SQOR: variants seen among roughly 807,000 people sequenced by gnomAD.
The protein encoded by SQOR is sulfide:quinone oxidoreductase, mitochondrial.
A neutral mutation model predicts 48.6 loss-of-function variants in SQOR; 39 were observed. That is an observed-to-expected ratio of 0.80 (90% CI 0.62 to 1.05). The LOEUF is 1.05. Ranked by LOEUF, SQOR falls within the 50% of genes least tolerant of loss-of-function variation. The pLI is 0.00. For synonymous variants in SQOR, 220 were observed against 206.2 expected, an observed-to-expected ratio of 1.07 and a Z score of -0.57; for missense variants, 561 against 559.9, an observed-to-expected ratio of 1.00 and a Z score of -0.02.
chr15:45,666,873 TCC>T (rs1566920015), intron 3 of SQOR, among the ~76,000 whole-genome samples: 5 of 44,940 alleles, frequency 1.1e-4, no homozygotes, highest in South Asian at 1.7e-3. Context: ...TCCCCTCCCC[TCC>T]CCTCCTTTCT....
intron 1 of SQOR, among the ~76,000 whole-genome samples, chr15:45,645,558 C>T (rs903190897): frequency 6.6e-6 from 1 of 152,170 alleles, no homozygotes; most frequent in African/African-American, 2.4e-5. Flanking sequence ...GCGAACACTC[C>T]CGTGAATGAG....
chr15:45,669,793 T>G, intron 3 of SQOR, 135 bp from the exon 4 acceptor site: 1 of 730,624 alleles, frequency 1.4e-6, no homozygotes, highest in Non-Finnish European at 2.4e-6. Context: ...GCTTCGATTT[T>G]CTCATCTGTT....
intron 7 of SQOR, among the ~76,000 whole-genome samples, chr15:45,683,066 T>G (rs1890153122): frequency 6.7e-6 from 1 of 149,958 alleles, no homozygotes; most frequent in South Asian, 2.1e-4. Flanking sequence ...CAGAAGCAAG[T>G]TGTCAATGAA....
intron 6 of SQOR, among the ~76,000 whole-genome samples, chr15:45,679,931 G>A (rs1890098376): frequency 6.6e-6 from 1 of 152,118 alleles, no homozygotes; most frequent in African/African-American, 2.4e-5. Flanking sequence ...CCCCAATGCT[G>A]CTAATAAACA....
At chr15:45,666,081 C>T (rs1475185937) in intron 3 of SQOR, among the ~76,000 whole-genome samples, 1 of 152,192 alleles carries the variant, frequency 6.6e-6, no homozygotes, top group Non-Finnish European at 1.5e-5. Context: ...TCTCCTTGTT[C>T]CTGCTCCTGC....
chr15:45,654,841 T>C (rs1178587131), intron 1 of SQOR, among the ~76,000 whole-genome samples: 2 of 152,138 alleles, frequency 1.3e-5, no homozygotes, highest in African/African-American at 4.8e-5. Context: ...CTGATTTACA[T>C]AGGGCTCACA....
intron 1 of SQOR, among the ~76,000 whole-genome samples, chr15:45,645,413 G>T (rs1895186703): frequency 6.6e-6 from 1 of 152,186 alleles, no homozygotes; most frequent in Admixed American, 6.5e-5. Flanking sequence ...TGGTCAAACG[G>T]TATTCTGGGT....
intron 1 of SQOR, among the ~76,000 whole-genome samples, chr15:45,657,429 T>C (rs1398253579): frequency 2.6e-5 from 4 of 152,160 alleles, no homozygotes; most frequent in Non-Finnish European, 5.9e-5. Flanking sequence ...GAAATGGAAA[T>C]GCAGGGTCAA....
chr15:45,683,611 G>A (rs907879998), intron 7 of SQOR, among the ~76,000 whole-genome samples: 2 of 152,132 alleles, frequency 1.3e-5, no homozygotes, highest in Non-Finnish European at 2.9e-5. Flanking sequence ...GGAACAGATT[G>A]TGTTACTTTT....
intron 7 of SQOR, among the ~76,000 whole-genome samples, chr15:45,686,327 T>C (rs1213826128): frequency 6.6e-6 from 1 of 152,116 alleles, no homozygotes; most frequent in African/African-American, 2.4e-5. Flanking sequence ...AATTTTCCTA[T>C]TTTTAGTAGA....
rs1404866857 is a variant in SQOR, at chr15:45,676,222, A to G, written c.776A>G (p.Tyr259Cys). ...CAGGAGCGGAACCTCACTGTTAACTACAAGAAAAACCTCATTGAAGTCCGA... is the reference window on the plus strand; with the variant it reads ...CAGGAGCGGAACCTCACTGTTAACTGCAAGAAAAACCTCATTGAAGTCCGA... ...IIQERNLTVN[Y>C]KKNLIEVRAD... Residue 259 changes from tyrosine to cysteine, a missense_variant, in exon 6 of 10, where the codon TAC becomes TGC. By Grantham distance (194) the Tyr-to-Cys change is radical (BLOSUM62 -2). Coordinates refer to ENST00000260324, the MANE Select transcript of SQOR (RefSeq NM_021199.4). 3 of 1,614,028 alleles carry G rather than the reference A, an allele frequency of 1.9e-6. No homozygotes were observed. Among genetic ancestry groups the G allele is most frequent in the Non-Finnish European group, 1.7e-6 (2 of 1,180,030 alleles).
chr15:45,688,396 A>T lies in SQOR; in HGVS notation c.1108A>T (p.Thr370Ser). 1 of 1,603,946 alleles carries T rather than the reference A, an allele frequency of 6.2e-7. No homozygotes were observed. The highest frequency in any genetic ancestry group is 1.7e-5 in the Admixed American group (1 of 58,604). ...ISVIMKNQTP[T>S]KKYDGYTSCP... is the part of the protein sequence containing the mutation. Reference sequence around the variant, plus strand: ...TGTAATTATGAAGAATCAAACACCAACAAAGAAGGTTTGTATGCCTTGTAA... The same window carrying T: ...TGTAATTATGAAGAATCAAACACCATCAAAGAAGGTTTGTATGCCTTGTAA... The change falls in exon 8 of 10, where the codon ACA (threonine) becomes TCA (serine). Residue 370 changes from threonine to serine, a missense_variant. Thr to Ser is a moderately conservative substitution (Grantham distance 58, BLOSUM62 1). Coordinates refer to ENST00000260324, the MANE Select transcript of SQOR (RefSeq NM_021199.4).
At chr15:45,676,389 C>T in intron 6 of SQOR, 79 bp downstream of exon 6, 1 of 1,340,630 alleles carries the variant, frequency 7.5e-7, no homozygotes, top group Non-Finnish European at 1.1e-6. Flanking sequence ...CTCACACCAC[C>T]CTATCTGCCA....
At chr15:45,658,255 G>C (rs772372720) in intron 1 of SQOR, among the ~76,000 whole-genome samples, 9 of 152,150 alleles carry the variant, frequency 5.9e-5, no homozygotes, top group Non-Finnish European at 1.3e-4. Flanking sequence ...GAAATTGCTA[G>C]AGGTGTGGAG....
chr15:45,635,180 A>G (rs904417264), intron 1 of SQOR, 72 bp downstream of exon 1: 11 of 152,186 alleles, frequency 7.2e-5, no homozygotes, highest in Non-Finnish European at 1.3e-4. Context: ...AGCGACCACC[A>G]CTGAGGCTGT....
chr15:45,641,878 C>T (rs79545366), intron 1 of SQOR, among the ~76,000 whole-genome samples: 2 of 152,106 alleles, frequency 1.3e-5, no homozygotes, highest in African/African-American at 4.8e-5. Context: ...CTTCTTTATC[C>T]CCTATAGCTG....
At chr15:45,643,887 G>A (rs909962676) in intron 1 of SQOR, among the ~76,000 whole-genome samples, 8 of 152,130 alleles carry the variant, frequency 5.3e-5, no homozygotes, top group African/African-American at 1.7e-4. Flanking sequence ...CAATAGAATG[G>A]AGGATAGTAT....
At chr15:45,676,066 T>G in intron 5 of SQOR, 35 bp from the exon 6 acceptor site, 2 of 1,562,764 alleles carry the variant, frequency 1.3e-6, no homozygotes, top group Non-Finnish European at 1.7e-6. Context: ...GCTGCAGTCA[T>G]GCTTTGGTGT....
Position 45,636,635 on chromosome 15 carries a change from C to T in SQOR, c.-18+1527C>T, listed in dbSNP as rs185539855. ...TCCAGGATGGTCTCGATCTCTTGAC[C>T]TTGTGATACGCCCACCTTGGACTCC... On this transcript the variant is annotated intron_variant, in intron 1 of 9. Transcript: ENST00000260324. Among the ~76,000 whole-genome samples, 44 of 152,028 alleles carry T rather than the reference C, an allele frequency of 2.9e-4. 2 individuals carry two copies. The East Asian group carries it at 6.8e-3, about 23-fold the overall frequency.
Sources: allele counts gnomAD v4.1 joint callset (sites outside exome capture counted in the v4.1 genomes callset), GRCh38; gene constraint gnomAD v4.1.1; transcripts MANE v1.5; gene names NCBI Gene and HGNC (gene_info 2026-07-23, HGNC 2026-07-21).